Variants in CEP128 observed in about 807,000 individuals in gnomAD.
The protein encoded by CEP128 is centrosomal protein 128kDa.
In CEP128, 132 loss-of-function variants were observed where a neutral mutation model predicts 156.7. That is an observed-to-expected ratio of 0.84 (90% confidence interval 0.73 to 0.97). The LOEUF (loss-of-function observed/expected upper bound fraction) is 0.97, where lower values mean the gene tolerates loss of function less well. CEP128 is among the 50% of genes least tolerant of loss of function. CEP128 has a pLI of 0.00. For missense variants in CEP128, 1,252 were observed against 1,281.9 expected, an observed-to-expected ratio of 0.98 and a Z score of 0.36; for synonymous variants, 469 against 448.9, an observed-to-expected ratio of 1.04 and a Z score of -0.57.
chr14:80,573,045 C>G (rs950051595), intron 20 of CEP128, among the ~76,000 whole-genome samples: 9 of 151,966 alleles, frequency 5.9e-5, no homozygotes, highest in Non-Finnish European at 1.2e-4. Context: ...GGCTCAGCCT[C>G]CCAAGTAGCT....
chr14:80,772,044 T>C (rs1595375373), intron 16 of CEP128, among the ~76,000 whole-genome samples: 1 of 152,310 alleles, frequency 6.6e-6, no homozygotes, highest in East Asian at 1.9e-4. Context: ...TTAACACTGA[T>C]ACCAAATGTT....
chr14:80,839,552 G>C (rs1886251870), intron 10 of CEP128, among the ~76,000 whole-genome samples: 1 of 151,868 alleles, frequency 6.6e-6, no homozygotes, highest in Non-Finnish European at 1.5e-5. Context: ...ATATAAAGCT[G>C]GTGAAATCTG....
intron 21 of CEP128, among the ~76,000 whole-genome samples, chr14:80,547,996 C>T (rs539326073): frequency 3.3e-5 from 5 of 152,198 alleles, no homozygotes; most frequent in East Asian, 1.9e-4. Context: ...AACGGGGTTT[C>T]ACCATGTTAG....
At chr14:80,494,747 A>G (rs958419959), downstream of CEP128, among the ~76,000 whole-genome samples, 1 of 152,198 alleles carries the variant, frequency 6.6e-6, no homozygotes, top group Admixed American at 6.5e-5. Flanking sequence ...TTTTTTATAC[A>G]TGTAAACTTT....
intron 8 of CEP128, among the ~76,000 whole-genome samples, chr14:80,866,976 TCA>T (rs1214585145): frequency 6.6e-6 from 1 of 152,240 alleles, no homozygotes; most frequent in South Asian, 2.1e-4. Flanking sequence ...CTTCATAATT[TCA>T]CAGACAGTAA....
At chr14:80,696,789 T>C (rs956924909) in intron 19 of CEP128, among the ~76,000 whole-genome samples, 4 of 152,138 alleles carry the variant, frequency 2.6e-5, no homozygotes, top group South Asian at 2.1e-4. Flanking sequence ...CAAAAAATGG[T>C]GATCAAGATG....
intron 20 of CEP128, among the ~76,000 whole-genome samples, chr14:80,566,267 G>C (rs1890903852): frequency 6.6e-6 from 1 of 152,022 alleles, no homozygotes; most frequent in Non-Finnish European, 1.5e-5. Flanking sequence ...AAACCCTATA[G>C]AATGAAATAC....
intron 20 of CEP128, among the ~76,000 whole-genome samples, chr14:80,561,891 A>G (rs1250309827): frequency 1.1e-5 from 1 of 92,852 alleles, no homozygotes; most frequent in Non-Finnish European, 2.2e-5. Flanking sequence ...TTGAAATACG[A>G]AGGTCTATAT....
chr14:80,903,368 A>G (rs900182346), intron 6 of CEP128, among the ~76,000 whole-genome samples: 11 of 152,176 alleles, frequency 7.2e-5, no homozygotes, highest in African/African-American at 2.7e-4. Flanking sequence ...AGAAACACTT[A>G]AATATAAGAC....
At chr14:80,634,097 C>T (rs1053788790) in intron 19 of CEP128, among the ~76,000 whole-genome samples, 2 of 152,114 alleles carry the variant, frequency 1.3e-5, no homozygotes, top group African/African-American at 2.4e-5. Context: ...CTGCCTGCTG[C>T]GTTACTAAGT....
At chr14:80,675,847 G>T (rs897372199) in intron 19 of CEP128, among the ~76,000 whole-genome samples, 2 of 152,046 alleles carry the variant, frequency 1.3e-5, no homozygotes, top group Admixed American at 6.5e-5. Context: ...CCCCCTCAAT[G>T]TTCAATGGAA....
At chr14:80,868,791 A>C (rs1408294797) in intron 8 of CEP128, among the ~76,000 whole-genome samples, 2 of 152,120 alleles carry the variant, frequency 1.3e-5, no homozygotes, top group Admixed American at 6.5e-5. Flanking sequence ...AGACCAAAAA[A>C]TGAAGGGATG....
chr14:80,791,746 G>A (rs1033245649), intron 14 of CEP128, among the ~76,000 whole-genome samples: 1 of 152,118 alleles, frequency 6.6e-6, no homozygotes. Flanking sequence ...CACAGTGAGT[G>A]CAAAATGATC....
intron 9 of CEP128, among the ~76,000 whole-genome samples, chr14:80,851,021 T>C (rs891824318): frequency 2.0e-5 from 3 of 152,218 alleles, no homozygotes; most frequent in Non-Finnish European, 1.5e-5. Context: ...ACTTTTACTT[T>C]CTGTCTTCAG....
intron 16 of CEP128, among the ~76,000 whole-genome samples, chr14:80,769,457 T>C (rs1307908077): frequency 2.0e-5 from 3 of 151,750 alleles, no homozygotes; most frequent in Non-Finnish European, 4.4e-5. Context: ...GGCCCCGGTG[T>C]GTGACGTTCC....
rs148993964 is a variant in CEP128 at position 80,644,694 on chromosome 14, T to C, written c.2807-64271A>G. 2.8e-3 allele frequency among the ~76,000 whole-genome samples: 427 copies of C among 152,310 alleles called. 2 individuals carry two copies. The highest frequency in any genetic ancestry group is 9.8e-3 in the African/African-American group (409 of 41,582). ...AAAATGCATATTAATATAACATTTT[T>C]CTTTTAAGGTAATAATTTAACTACT... is the stretch of plus-strand genomic sequence containing the variant. On this transcript the variant is annotated intron_variant, in intron 19 of 24. Transcript: ENST00000555265.
chr14:80,566,763 T>A (rs12589323), intron 20 of CEP128, among the ~76,000 whole-genome samples: 24,753 of 152,100 alleles, frequency 0.16, 2,264 homozygotes, highest in East Asian at 0.19. Context: ...ATACCTGTAG[T>A]CAATTTCTGT....
downstream of CEP128, chr14:80,496,411 C>A (rs183382811): frequency 1.0e-4 from 16 of 152,490 alleles, no homozygotes; most frequent in African/African-American, 3.9e-4. Flanking sequence ...ATACCTTGAG[C>A]GGAAGCATCT....
At chr14:80,852,508 G>A (rs1886942425) in intron 9 of CEP128, among the ~76,000 whole-genome samples, 1 of 151,778 alleles carries the variant, frequency 6.6e-6, no homozygotes, top group Non-Finnish European at 1.5e-5. Flanking sequence ...AAGAGAAAGA[G>A]AGAGTAACAG....
Sources: gnomAD v4.1 joint callset for allele counts (sites outside exome capture counted in the v4.1 genomes callset) on GRCh38, gnomAD v4.1.1 for gene constraint, MANE v1.5 for transcripts, NCBI Gene and HGNC (gene_info 2026-07-23, HGNC 2026-07-21) for gene names.